The following GRIN2A variants were observed in gnomAD, a reference collection of about 807,000 sequenced individuals.
The protein encoded by GRIN2A is glutamate ionotropic receptor NMDA type subunit 2A, also known as glutamate receptor ionotropic, NMDA 2A.
In GRIN2A, 22 loss-of-function variants were observed where a neutral mutation model predicts 113.4. The ratio of observed to expected loss-of-function variants is 0.19; its 90% confidence interval spans 0.14 to 0.28. The LOEUF is 0.28. GRIN2A is among the 10% of genes least tolerant of loss of function. The pLI is 1.00. For synonymous variants in GRIN2A, 827 were observed against 738.4 expected (o/e 1.12, Z -1.94); for missense variants, 1,502 against 1,887.0 (o/e 0.80, Z 3.78).
At chr16:10,129,170 G>A (rs7189699) in intron 2 of GRIN2A, among the ~76,000 whole-genome samples, 3 of 151,886 alleles carry the variant, frequency 2.0e-5, no homozygotes, top group Admixed American at 6.6e-5. Flanking sequence ...CAAATTTCTG[G>A]GCTCAAGTGA....
intron 4 of GRIN2A, among the ~76,000 whole-genome samples, chr16:9,879,793 A>T (rs2043441541): frequency 6.6e-6 from 1 of 152,234 alleles, no homozygotes; most frequent in Admixed American, 6.5e-5. Flanking sequence ...TCCTGATATG[A>T]GGATTAAATG....
chr16:10,096,539 A>AAAAC (rs367870878), intron 2 of GRIN2A, among the ~76,000 whole-genome samples: 1 of 137,670 alleles, frequency 7.3e-6, no homozygotes, highest in Non-Finnish European at 1.6e-5. Flanking sequence ...ATTGTGGTAA[A>AAAAC]ACACACACAC....
chr16:10,111,852 C>G (rs2048621280), intron 2 of GRIN2A: 1 of 1,047,952 alleles, frequency 9.5e-7, no homozygotes, highest in African/African-American at 1.6e-5. Flanking sequence ...TGGTGGGCAT[C>G]ATCTCCTCCC....
intron 2 of GRIN2A, among the ~76,000 whole-genome samples, chr16:9,980,970 C>G (rs1304214539): frequency 1.3e-5 from 2 of 149,112 alleles, no homozygotes; most frequent in South Asian, 2.1e-4. Flanking sequence ...CACATGTACC[C>G]TAAAACTTAA....
At chr16:10,072,056 G>C (rs1341605088) in intron 2 of GRIN2A, among the ~76,000 whole-genome samples, 1 of 152,146 alleles carries the variant, frequency 6.6e-6, no homozygotes, top group South Asian at 2.1e-4. Flanking sequence ...TGGTACCATA[G>C]GTTCATGATC....
intron 2 of GRIN2A, among the ~76,000 whole-genome samples, chr16:10,123,082 G>C (rs1385198622): frequency 1.3e-5 from 2 of 152,170 alleles, no homozygotes; most frequent in Non-Finnish European, 2.9e-5. Context: ...CATCAAAGAA[G>C]AAAATCAAAG....
chr16:10,131,631 G>A (rs569259288), intron 2 of GRIN2A, among the ~76,000 whole-genome samples: 37 of 152,276 alleles, frequency 2.4e-4, no homozygotes, highest in Non-Finnish European at 4.3e-4. Context: ...GAGAAAGGGC[G>A]TCTGTTTCAG....
intron 11 of GRIN2A, among the ~76,000 whole-genome samples, chr16:9,794,205 C>T (rs141469507): frequency 6.6e-6 from 1 of 152,188 alleles, no homozygotes; most frequent in Non-Finnish European, 1.5e-5. Context: ...GATGAACAGC[C>T]TTTTTCCTAG....
chr16:9,918,105 C>A (rs563274418), intron 3 of GRIN2A, among the ~76,000 whole-genome samples: 3 of 152,286 alleles, frequency 2.0e-5, no homozygotes, highest in Admixed American at 6.5e-5. Flanking sequence ...CAAACTCCCC[C>A]ACTGTGAGTG....
chr16:9,830,788 A>C (rs1312363120), intron 8 of GRIN2A, among the ~76,000 whole-genome samples: 1 of 152,234 alleles, frequency 6.6e-6, no homozygotes, highest in Non-Finnish European at 1.5e-5. Flanking sequence ...AAGAGAAAGC[A>C]GTTAATTCTC....
chr16:10,063,034 T>A (rs1267316611), intron 2 of GRIN2A, among the ~76,000 whole-genome samples: 2 of 152,086 alleles, frequency 1.3e-5, no homozygotes, highest in African/African-American at 4.8e-5. Context: ...CCATGGAATA[T>A]ACACAGCCAT....
intron 3 of GRIN2A, among the ~76,000 whole-genome samples, chr16:9,926,519 G>T (rs1233135830): frequency 6.6e-6 from 1 of 152,160 alleles, no homozygotes; most frequent in East Asian, 1.9e-4. Flanking sequence ...TGCTAACTCA[G>T]GTATGAAGAT....
chr16:10,058,179 C>T (rs1338769919), intron 2 of GRIN2A, among the ~76,000 whole-genome samples: 3 of 151,736 alleles, frequency 2.0e-5, no homozygotes, highest in Non-Finnish European at 4.4e-5. Flanking sequence ...TGCTTGAACC[C>T]GGGAGGCAGA....
intron 2 of GRIN2A, among the ~76,000 whole-genome samples, chr16:9,993,559 A>G (rs1007688901): frequency 6.6e-6 from 1 of 152,146 alleles, no homozygotes. Flanking sequence ...ACCCATCACT[A>G]AAATAAAATA....
chr16:9,912,497 T>C (rs1459546703), intron 3 of GRIN2A, among the ~76,000 whole-genome samples: 2 of 108,032 alleles, frequency 1.9e-5, no homozygotes, highest in South Asian at 3.3e-4. Context: ...TTCTTAAAAT[T>C]CAGAGTAAGT....
rs150926000 is a variant in GRIN2A at position 10,070,758 on chromosome 16, G to T, written c.414+109240C>A. Among the ~76,000 whole-genome samples the T allele has an allele frequency of 5.4e-4, 83 of 152,308 alleles. 6 individuals carry two copies. In the East Asian group the frequency reaches 0.016, roughly 29 times the overall value. On this transcript the variant is annotated intron_variant, in intron 2 of 12. Transcript: ENST00000330684. ...AGGTTTTGCAAACTGGCTATGAATTGTTCAGCGGTTGGATTAGCCAGTTCT... is the reference window on the plus strand; with the variant it reads ...AGGTTTTGCAAACTGGCTATGAATTTTTCAGCGGTTGGATTAGCCAGTTCT...
intron 2 of GRIN2A, among the ~76,000 whole-genome samples, chr16:9,974,438 A>C (rs1404957129): frequency 6.6e-6 from 1 of 152,174 alleles, no homozygotes; most frequent in Non-Finnish European, 1.5e-5. Flanking sequence ...CGGTGCATGC[A>C]GCCCCCAGTC....
At chr16:10,138,621 G>T (rs1344940660) in intron 2 of GRIN2A, among the ~76,000 whole-genome samples, 1 of 152,118 alleles carries the variant, frequency 6.6e-6, no homozygotes, top group Non-Finnish European at 1.5e-5. Flanking sequence ...AGATTTGGGT[G>T]GGGACGCAGA....
At chr16:9,869,042 C>T (rs7199724) in intron 4 of GRIN2A, among the ~76,000 whole-genome samples, 40,125 of 152,050 alleles carry the variant, frequency 0.26, 5,847 homozygotes, top group African/African-American at 0.38. Context: ...CTGTCTGCCC[C>T]AGTGGACTCA....
Sources: allele counts gnomAD v4.1 joint callset (sites outside exome capture counted in the v4.1 genomes callset), GRCh38; gene constraint gnomAD v4.1.1; transcripts MANE v1.5; gene names NCBI Gene and HGNC (gene_info 2026-07-23, HGNC 2026-07-21).